The following SPATA13 variants were observed in gnomAD, a reference collection of about 807,000 sequenced individuals.
The protein encoded by SPATA13 is spermatogenesis-associated protein 13.
SPATA13 carries 50 observed loss-of-function variants against 104.0 expected under a neutral mutation model. The ratio of observed to expected loss-of-function variants is 0.48; its 90% CI spans 0.38 to 0.61. The LOEUF (loss-of-function observed/expected upper bound fraction) is 0.61, where lower values mean the gene tolerates loss of function less well. Ranked by LOEUF, SPATA13 falls within the 20% of genes least tolerant of loss-of-function variation. SPATA13 has a pLI of 0.00. For missense variants in SPATA13, 1,524 were observed against 1,690.6 expected, an observed-to-expected ratio of 0.90 and a Z score of 1.73; for synonymous variants, 606 against 667.5, an observed-to-expected ratio of 0.91 and a Z score of 1.42.
chr13:24,019,093 A>ATTTTTTTTT (rs71915188), intron 3 of SPATA13, among the ~76,000 whole-genome samples: 1 of 141,098 alleles, frequency 7.1e-6, no homozygotes. Context: ...TATTATTATT[A>ATTTTTTTTT]TTTTTTTTTT....
intron 3 of SPATA13, among the ~76,000 whole-genome samples, chr13:24,042,746 C>G (rs1292489003): frequency 6.6e-6 from 1 of 152,106 alleles, no homozygotes; most frequent in Non-Finnish European, 1.5e-5. Flanking sequence ...AGTGTGAATC[C>G]CAGAGAGGCT....
At chr13:24,128,450 G>C (rs1370711360) in intron 3 of SPATA13, among the ~76,000 whole-genome samples, 1 of 151,086 alleles carries the variant, frequency 6.6e-6, no homozygotes, top group African/African-American at 2.4e-5. Flanking sequence ...GCTAGGTGAA[G>C]AGAAGGGTGT....
chr13:24,112,257 G>A (rs752383477), intron 3 of SPATA13, among the ~76,000 whole-genome samples: 46 of 152,256 alleles, frequency 3.0e-4, no homozygotes, highest in Non-Finnish European at 5.7e-4. Context: ...AAAGCTGTTT[G>A]GTTTGACCTA....
At position 24,022,055 on chromosome 13, in the gene SPATA13, T is replaced by C. The variant is rs868368327; in HGVS notation, c.-112+4354T>C. On this transcript the variant is annotated intron_variant, in intron 3 of 14. Transcript: ENST00000424834. ...TGTTTCTTTTCTCTTTTCTTTCTTT[T>C]TTTTTTTTTTTCAAATGGAGTCTTG... 1.7e-4 allele frequency among the ~76,000 whole-genome samples: 25 copies of C among 149,456 alleles called. 1 individual carries two copies. In the East Asian group the frequency reaches 3.4e-3, roughly 20 times the overall value.
chr13:24,209,017 C>G (rs984789868), intron 1 of SPATA13, among the ~76,000 whole-genome samples: 1 of 152,128 alleles, frequency 6.6e-6, no homozygotes, highest in African/African-American at 2.4e-5. Flanking sequence ...GTCTAATCTC[C>G]AGGGGAGCAT....
intron 3 of SPATA13, among the ~76,000 whole-genome samples, chr13:24,081,546 T>G (rs1879517085): frequency 6.6e-6 from 1 of 152,032 alleles, no homozygotes; most frequent in African/African-American, 2.4e-5. Flanking sequence ...TGATGACTCA[T>G]GCATGTAATC....
At chr13:24,041,993 G>A (rs1877947238) in intron 3 of SPATA13, among the ~76,000 whole-genome samples, 1 of 152,226 alleles carries the variant, frequency 6.6e-6, no homozygotes, top group Non-Finnish European at 1.5e-5. Flanking sequence ...TGTTTAGAAA[G>A]TGTACCAGGG....
At chr13:24,017,048 G>A (rs1876749535) in intron 2 of SPATA13, among the ~76,000 whole-genome samples, 1 of 152,190 alleles carries the variant, frequency 6.6e-6, no homozygotes, top group Admixed American at 6.5e-5. Context: ...CGAAGTGTGG[G>A]AGGAGGTGAC....
intron 3 of SPATA13, among the ~76,000 whole-genome samples, chr13:24,052,868 T>C (rs918208653): frequency 7.6e-4 from 5 of 6,554 alleles, no homozygotes; most frequent in African/African-American, 3.3e-3. Flanking sequence ...ACCACATTAT[T>C]TATACTACAT....
At chr13:24,243,732 G>A (rs536308388) in intron 2 of SPATA13, among the ~76,000 whole-genome samples, 29 of 152,230 alleles carry the variant, frequency 1.9e-4, no homozygotes, top group African/African-American at 5.5e-4. Context: ...GTCCTCTGTG[G>A]CATCAACTGC....
intron 11 of SPATA13, 112 bp from the exon 12 acceptor site, chr13:24,300,289 C>G (rs1419671151): frequency 2.7e-6 from 2 of 739,068 alleles, no homozygotes; most frequent in Non-Finnish European, 2.2e-6. Context: ...TTAAGGTTCT[C>G]TGTCTCAGGT....
intron 4 of SPATA13, among the ~76,000 whole-genome samples, chr13:24,275,999 G>T (rs183974820): frequency 1.3e-5 from 2 of 152,320 alleles, no homozygotes; most frequent in East Asian, 3.9e-4. Context: ...TACGGTTGGT[G>T]AGAATGTGGA....
chr13:24,063,345 G>T (rs1878842337), intron 3 of SPATA13, among the ~76,000 whole-genome samples: 1 of 152,168 alleles, frequency 6.6e-6, no homozygotes. Context: ...AGCAGGTTTT[G>T]AAATTTGTAC....
At chr13:24,009,937 TG>T (rs1252595932) in intron 2 of SPATA13, among the ~76,000 whole-genome samples, 1 of 152,162 alleles carries the variant, frequency 6.6e-6, no homozygotes, top group Admixed American at 6.5e-5. Flanking sequence ...TTCAGATGGT[TG>T]GGGGGCTTAC....
intron 1 of SPATA13, among the ~76,000 whole-genome samples, chr13:24,172,250 A>G (rs1185626739): frequency 6.6e-6 from 1 of 152,208 alleles, no homozygotes; most frequent in Non-Finnish European, 1.5e-5. Flanking sequence ...TTATTCTCCG[A>G]TGATACTAAT....
intron 3 of SPATA13, among the ~76,000 whole-genome samples, chr13:24,106,686 C>T (rs552349199): frequency 1.8e-4 from 28 of 152,290 alleles, no homozygotes; most frequent in African/African-American, 6.5e-4. Flanking sequence ...AGCTGGCTCT[C>T]GTTCCAGGGC....
At position 23,992,793 on chromosome 13, in the gene SPATA13, A is replaced by G. The variant is rs60786196; in HGVS notation, c.-147+8860A>G. ...TTGGATGGAACTTGGGGACATGGCC[A>G]CGTTTGGCTCCACAATGCTGGGAAA... is the stretch of plus-strand genomic sequence containing the variant. On this transcript the variant is annotated intron_variant, in intron 2 of 14. Transcript: ENST00000424834. Among the ~76,000 whole-genome samples the G allele has an allele frequency of 4.1e-3, 621 of 152,272 alleles. 4 individuals are homozygous for G. Among genetic ancestry groups the G allele is most frequent in the African/African-American group, 0.014 (585 of 41,556 alleles).
chr13:24,195,662 A>G (rs1308979552), intron 1 of SPATA13, among the ~76,000 whole-genome samples: 1 of 152,198 alleles, frequency 6.6e-6, no homozygotes, highest in Non-Finnish European at 1.5e-5. Context: ...GGCATTGATT[A>G]TCTACAAGGG....
chr13:24,269,514 T>A (rs1874458871), intron 4 of SPATA13, among the ~76,000 whole-genome samples: 1 of 151,050 alleles, frequency 6.6e-6, no homozygotes, highest in Non-Finnish European at 1.5e-5. Context: ...GATCCTCCCA[T>A]CTCAGACTCC....
Sources: gnomAD v4.1 joint callset for allele counts (sites outside exome capture counted in the v4.1 genomes callset) on GRCh38, gnomAD v4.1.1 for gene constraint, MANE v1.5 for transcripts, NCBI Gene and HGNC (gene_info 2026-07-23, HGNC 2026-07-21) for gene names.